SARNP: variants seen among roughly 807,000 people sequenced by gnomAD.
SARNP encodes SAP domain-containing ribonucleoprotein.
SARNP carries 5 observed loss-of-function variants against 38.1 expected under a neutral mutation model. The ratio of observed to expected loss-of-function variants is 0.13; its 90% CI spans 0.07 to 0.28. SARNP has a LOEUF of 0.28. Ranked by LOEUF, SARNP falls within the 10% of genes least tolerant of loss-of-function variation. The probability of loss-of-function intolerance (pLI) is 1.00; values close to 1 mark genes in which losing one functional copy is unlikely to be tolerated. For synonymous variants in SARNP, 84 were observed against 80.6 expected, an observed-to-expected ratio of 1.04 and a Z score of -0.23; for missense variants, 180 against 243.9, an observed-to-expected ratio of 0.74 and a Z score of 1.75.
intron 1 of SARNP, among the ~76,000 whole-genome samples, chr12:55,816,693 T>TGAA (rs1485130646): frequency 5.3e-5 from 8 of 152,256 alleles, no homozygotes; most frequent in African/African-American, 1.9e-4. Context: ...AAACTACTTG[T>TGAA]GAAACCACAA....
intron 9 of SARNP, among the ~76,000 whole-genome samples, chr12:55,776,685 G>A (rs1879192276): frequency 1.3e-5 from 2 of 152,154 alleles, no homozygotes; most frequent in South Asian, 4.1e-4. Context: ...GTATCTGGGA[G>A]TGTGGATAGA....
chr12:55,808,376 T>C (rs1014490538), intron 1 of SARNP, among the ~76,000 whole-genome samples: 7 of 151,878 alleles, frequency 4.6e-5, no homozygotes, highest in African/African-American at 1.7e-4. Flanking sequence ...TGGAGTGCAA[T>C]GGCGTGATCT....
At chr12:55,790,699 A>G in intron 7 of SARNP, 107 bp from the exon 8 acceptor site, 1 of 1,120,424 alleles carries the variant, frequency 8.9e-7, no homozygotes, top group Non-Finnish European at 1.2e-6. Flanking sequence ...CTATGATGAC[A>G]AAGAAAAGGC....
chr12:55,801,666 A>G (rs1879983186), intron 2 of SARNP, among the ~76,000 whole-genome samples: 1 of 152,166 alleles, frequency 6.6e-6, no homozygotes, highest in South Asian at 2.1e-4. Flanking sequence ...TCGCCCAGAT[A>G]AAGTGCAATG....
chr12:55,800,828 G>A, intron 3 of SARNP, 26 bp downstream of exon 3: 2 of 1,599,138 alleles, frequency 1.3e-6, no homozygotes, highest in South Asian at 1.1e-5. Flanking sequence ...CATTACCAGA[G>A]ACTAACCTTA....
intron 1 of SARNP, among the ~76,000 whole-genome samples, chr12:55,812,871 C>A (rs559273841): frequency 6.6e-6 from 1 of 152,284 alleles, no homozygotes; most frequent in African/African-American, 2.4e-5. Context: ...TAATCATGAG[C>A]AAAACATAAG....
chr12:55,800,473 C>G (rs905923513), intron 4 of SARNP, 89 bp downstream of exon 4: 5 of 931,928 alleles, frequency 5.4e-6, no homozygotes, highest in Non-Finnish European at 4.9e-6. Context: ...CCAATGGGAA[C>G]ATGTAAGAGG....
Position 55,790,599 on chromosome 12 carries a change from A to C in SARNP, c.407-7T>G, listed in dbSNP as rs1339194666. The C allele has an allele frequency of 1.3e-6, 2 of 1,510,778 alleles. No homozygotes were observed. Among genetic ancestry groups the C allele is most frequent in the Non-Finnish European group, 1.8e-6 (2 of 1,127,360 alleles). 93.6% of individuals were successfully genotyped at this position (1,510,778 alleles called of 1,614,324 possible). The stretch of plus-strand genomic sequence containing the variant: ...TTGTTATCAGATGACAGACCTAAGG[A>C]AGTAAATAAAGTTTTATTTAATATT... On this transcript the variant is annotated splice_region_variant and splice_polypyrimidine_tract_variant and intron_variant, in intron 7 of 10. Transcript: ENST00000336133.
downstream of SARNP, chr12:55,754,412 A>G (rs1056426305): frequency 6.6e-6 from 1 of 152,240 alleles, no homozygotes; most frequent in African/African-American, 2.4e-5. Flanking sequence ...ATCAGCAGGC[A>G]GTGGCATCTA....
Position 55,803,698 on chromosome 12 carries a change from G to A in SARNP, c.67C>T (p.Arg23Cys), listed in dbSNP as rs79245674. ...TTTATTCCCTTGGTCTCCAAACCAC[G>A]AGCAAGACATTCTTGCTTTAGTTCG... ...LAELKQECLA[R>C]GLETKGIKQD... The change falls in exon 2 of 11, where the codon CGT becomes TGT. Residue 23 changes from arginine to cysteine, a missense_variant. This residue lies in a region of SARNP where 161 missense variants were observed against 194.1 expected (regional missense o/e 0.83). Coordinates refer to ENST00000336133, the MANE Select transcript of SARNP (RefSeq NM_033082.4). 19 of 1,612,494 alleles carry A rather than the reference G, an allele frequency of 1.2e-5. No homozygotes were observed. Among genetic ancestry groups the A allele is most frequent in the East Asian group, 2.2e-5 (1 of 44,866 alleles).
At chr12:55,754,762 C>G (rs1408585508), downstream of SARNP, 1 of 152,186 alleles carries the variant, frequency 6.6e-6, no homozygotes, top group Non-Finnish European at 1.5e-5. Flanking sequence ...TCACTTAATT[C>G]ACACAGCAAC....
At chr12:55,757,880 G>A (rs556097818) in intron 10 of SARNP, among the ~76,000 whole-genome samples, 9 of 152,136 alleles carry the variant, frequency 5.9e-5, no homozygotes, top group Non-Finnish European at 2.9e-5. Context: ...AGCTAGCCTG[G>A]AAACAATGGG....
rs562849695 is a variant in SARNP, at chr12:55,794,832, T to C, written c.352A>G (p.Ser118Gly). 9.3e-6 allele frequency: 15 copies of C among 1,612,392 alleles called. No individual in the cohort carries two copies. The African/African-American group carries it at 1.3e-4, about 14-fold the overall frequency. The change falls in exon 6 of 11, where the codon AGT becomes GGT. Residue 118 changes from serine (S) to glycine (G), a missense_variant. Physicochemically the swap from Ser to Gly is moderately conservative, Grantham distance 56. This residue lies in a region of SARNP where 161 missense variants were observed against 194.1 expected (regional missense o/e 0.83). Transcript: ENST00000336133. ...CTAGCTGCCCGAGCAGCTTTCTTAC[T>C]CTCCAAGCTCACAGGTACATTGAAT... ...ERFNVPVSLE[S>G]KKAARAARFG...
chr12:55,781,016 T>C (rs779532899), intron 9 of SARNP, among the ~76,000 whole-genome samples: 10 of 152,214 alleles, frequency 6.6e-5, no homozygotes, highest in East Asian at 1.9e-4. Flanking sequence ...CACATCCCAA[T>C]GGCTAACCTC....
At chr12:55,807,619 G>A (rs958694037) in intron 1 of SARNP, among the ~76,000 whole-genome samples, 3 of 150,210 alleles carry the variant, frequency 2.0e-5, no homozygotes, top group East Asian at 1.9e-4. Flanking sequence ...TGGCTAGCAC[G>A]GTGAAACCCC....
At position 55,800,810 on chromosome 12, in the gene SARNP, C is replaced by G. The variant is rs75285506; in HGVS notation, c.183+44G>C. 2.6e-3 allele frequency: 3,906 copies of G among 1,521,174 alleles called. 89 individuals carry two copies. In the African/African-American group the frequency reaches 0.047, roughly 18 times the overall value. The allele number at this position is 1,521,174 out of a possible 1,614,324, so 94.2% of individuals were successfully genotyped here. A position where few individuals can be genotyped will look rare whatever the true frequency, so the allele number is the denominator to read the frequency against. ...TGATGTTAAAGCAATGTGGCCAAAGCAGTGGCACATTACCAGAGACTAACC... is the reference window on the plus strand; with the variant it reads ...TGATGTTAAAGCAATGTGGCCAAAGGAGTGGCACATTACCAGAGACTAACC... On this transcript the variant is annotated intron_variant, in intron 3 of 10. Transcript: ENST00000336133.
intron 5 of SARNP, 42 bp downstream of exon 5, chr12:55,795,983 G>C (rs376857767): frequency 3.9e-5 from 53 of 1,352,048 alleles, no homozygotes; most frequent in Admixed American, 3.4e-4. Flanking sequence ...AAGAGGGAGA[G>C]AGAAATGTAG....
At chr12:55,766,498 T>G (rs1878832610) in intron 9 of SARNP, among the ~76,000 whole-genome samples, 1 of 152,022 alleles carries the variant, frequency 6.6e-6, no homozygotes, top group Admixed American at 6.6e-5. Flanking sequence ...CTAATACCTG[T>G]CTTGTTCGCT....
chr12:55,789,513 T>A (rs1421034865), intron 8 of SARNP, among the ~76,000 whole-genome samples: 1 of 152,222 alleles, frequency 6.6e-6, no homozygotes, highest in Non-Finnish European at 1.5e-5. Context: ...CAAGTATTTC[T>A]TAACTCTATC....
Sources: allele counts gnomAD v4.1 joint callset (sites outside exome capture counted in the v4.1 genomes callset), GRCh38; gene constraint gnomAD v4.1.1; regional missense constraint gnomAD v4.1.1; transcripts MANE v1.5; gene names NCBI Gene and HGNC (gene_info 2026-07-23, HGNC 2026-07-21).